The following SUSD4 variants were observed in gnomAD, a reference collection of about 807,000 sequenced individuals.
SUSD4 encodes the protein sushi domain-containing protein 4.
In SUSD4, 41 loss-of-function variants were observed where a neutral mutation model predicts 50.5. That is an observed-to-expected ratio of 0.81 (90% CI 0.63 to 1.05). SUSD4 has a LOEUF of 1.05. Among genes scored for constraint, SUSD4 ranks in the 50% least tolerant of loss-of-function variants. SUSD4 has a pLI of 0.00. For synonymous variants in SUSD4, 257 were observed against 257.3 expected (o/e 1.00, Z 0.01); for missense variants, 580 against 634.7 (o/e 0.91, Z 0.93).
chr1:223,355,408 G>A (rs1238695914), intron 2 of SUSD4, among the ~76,000 whole-genome samples: 2 of 151,968 alleles, frequency 1.3e-5, no homozygotes, highest in South Asian at 2.1e-4. Context: ...TGGTAGAGAC[G>A]GGGTTTTTGC....
rs546603237 is a variant in SUSD4, at chr1:223,284,416, C to T, written c.361+8023G>A. On this transcript the variant is annotated intron_variant, in intron 3 of 8. Coordinates refer to ENST00000366878, the MANE Select transcript of SUSD4 (RefSeq NM_017982.4). ...CTGGAAAGAAAACTCAAATTTGAAT[C>T]CCAACTCTGTCACTACCAAGGAGAC... Among the ~76,000 whole-genome samples the T allele has an allele frequency of 3.4e-4, 51 of 152,228 alleles. No homozygotes were observed. The South Asian group carries it at 5.2e-3, about 15-fold the overall frequency.
At chr1:223,333,019 G>GT (rs1667260720) in intron 2 of SUSD4, among the ~76,000 whole-genome samples, 1 of 152,088 alleles carries the variant, frequency 6.6e-6, no homozygotes, top group Non-Finnish European at 1.5e-5. Flanking sequence ...TCAGCACCAG[G>GT]TGCAGGACCC....
Position 223,221,901 on chromosome 1 carries a change from T to C in SUSD4, c.*291A>G, listed in dbSNP as rs1055592576. 5.7e-6 allele frequency: 2 copies of C among 351,160 alleles called. No homozygotes were observed. Among genetic ancestry groups the C allele is most frequent in the Non-Finnish European group, 5.1e-6 (1 of 195,858 alleles). 21.8% of individuals were successfully genotyped at this position (351,160 alleles called of 1,614,324 possible). A position where few individuals can be genotyped will look rare whatever the true frequency, so the allele number is the denominator to read the frequency against. ...GTGGGATGTGCGTGGAATTGTCCCA[T>C]GTTCCACAGCACGATACACATTTAA... On this transcript the variant is annotated 3_prime_UTR_variant, in exon 9 of 9. Transcript: ENST00000366878.
chr1:223,348,102 T>TG (rs1668143285), intron 2 of SUSD4, among the ~76,000 whole-genome samples: 1 of 147,854 alleles, frequency 6.8e-6, no homozygotes, highest in Non-Finnish European at 1.5e-5. Flanking sequence ...AATATTCAAA[T>TG]GGAAAAAAAA....
intron 2 of SUSD4, among the ~76,000 whole-genome samples, chr1:223,320,369 G>A (rs1666499637): frequency 6.6e-6 from 1 of 152,220 alleles, no homozygotes; most frequent in East Asian, 1.9e-4. Context: ...CTGTGCCTGT[G>A]AGCTGAAATG....
chr1:223,264,120 T>C, intron 5 of SUSD4: 1 of 985,432 alleles, frequency 1.0e-6, no homozygotes, highest in Non-Finnish European at 1.2e-6. Flanking sequence ...TAGTGGTCTT[T>C]CGTGAATCAC....
intron 2 of SUSD4, among the ~76,000 whole-genome samples, chr1:223,344,426 C>T (rs1393004427): frequency 6.6e-6 from 1 of 152,124 alleles, no homozygotes; most frequent in African/African-American, 2.4e-5. Flanking sequence ...CATGGTAAGG[C>T]TGTGCTGATG....
chr1:223,292,279 C>A (rs906920554), intron 3 of SUSD4, among the ~76,000 whole-genome samples, 160 bp downstream of exon 3: 2 of 152,168 alleles, frequency 1.3e-5, no homozygotes, highest in Non-Finnish European at 2.9e-5. Flanking sequence ...CCCTCTATCC[C>A]AACCCTCATT....
chr1:223,295,196 G>A (rs1254247843), intron 2 of SUSD4, among the ~76,000 whole-genome samples: 1 of 152,138 alleles, frequency 6.6e-6, no homozygotes, highest in East Asian at 1.9e-4. Context: ...GCCATAGCTA[G>A]GGCCAAGTAT....
chr1:223,250,551 A>G (rs868859854), intron 5 of SUSD4, among the ~76,000 whole-genome samples: 3 of 152,334 alleles, frequency 2.0e-5, no homozygotes, highest in Middle Eastern at 3.4e-3. Context: ...TGCTGACTCC[A>G]AAGCTGCCAT....
At chr1:223,281,777 C>T (rs1465576284) in intron 3 of SUSD4, among the ~76,000 whole-genome samples, 1 of 152,030 alleles carries the variant, frequency 6.6e-6, no homozygotes, top group African/African-American at 2.4e-5. Flanking sequence ...CTGGCAGAGA[C>T]ACAACAAAAA....
chr1:223,232,878 A>G (rs546482666), intron 5 of SUSD4, among the ~76,000 whole-genome samples: 1 of 152,350 alleles, frequency 6.6e-6, no homozygotes, highest in East Asian at 1.9e-4. Flanking sequence ...TGAGTGAAAC[A>G]ATTCCCAACT....
In SUSD4 at chr1:223,241,618, T is replaced by C. The variant is rs1174770433; in HGVS notation, c.725-12230A>G. On this transcript the variant is annotated intron_variant, in intron 5 of 8. Transcript: ENST00000366878. ...GTTTTTTACTCATTGTTAGGACAGA[T>C]TGGTGACTTCCGAACTCCTTACACG... 3.3e-5 allele frequency among the ~76,000 whole-genome samples: 5 copies of C among 152,212 alleles called. No homozygotes were observed. The South Asian group carries it at 8.3e-4, about 25-fold the overall frequency.
chr1:223,357,311 A>G (rs1668719618), intron 2 of SUSD4, among the ~76,000 whole-genome samples: 1 of 152,194 alleles, frequency 6.6e-6, no homozygotes, highest in African/African-American at 2.4e-5. Context: ...CCCTTCTCTC[A>G]GGGCAGGGGG....
rs377209634 is a variant in SUSD4 at position 223,223,296 on chromosome 1, G to T, written c.1397C>A (p.Thr466Lys). 4 of 1,584,362 alleles carry T rather than the reference G, an allele frequency of 2.5e-6. No homozygotes were observed. Among genetic ancestry groups the T allele is most frequent in the Non-Finnish European group, 3.4e-6 (4 of 1,167,214 alleles). ...ASDNPDIIAS[T>K]AEEVASTSPG... ...GCTGGTGGATGCCACCTCCTCTGCC[G>T]TGCTGGCAATTATGTCAGGGTTGTC... The change falls in exon 8 of 9, where the codon ACG (threonine) becomes AAG (lysine). Residue 466 changes from threonine to lysine, a missense_variant. Coordinates refer to ENST00000366878, the MANE Select transcript of SUSD4 (RefSeq NM_017982.4).
At chr1:223,316,949 G>T (rs922389211) in intron 2 of SUSD4, among the ~76,000 whole-genome samples, 4 of 152,162 alleles carry the variant, frequency 2.6e-5, no homozygotes, top group African/African-American at 9.7e-5. Context: ...GATGAGTCTG[G>T]CAGCGCAGAC....
chr1:223,360,253 T>TG (rs1668898278), intron 2 of SUSD4: 1 of 470,494 alleles, frequency 2.1e-6, no homozygotes, highest in African/African-American at 2.0e-5. Flanking sequence ...CCTTGAAGCC[T>TG]GGGGGTGGGG....
chr1:223,263,963 C>T (rs890342222), intron 5 of SUSD4: 57 of 985,302 alleles, frequency 5.8e-5, no homozygotes, highest in Non-Finnish European at 6.7e-5. Flanking sequence ...TCTCTTCGGG[C>T]ATACTTTCAA....
In SUSD4 at chr1:223,231,491, TC is replaced by T. The variant is rs1441928493; in HGVS notation, c.725-2104del. Among the ~76,000 whole-genome samples, 1 of 152,162 alleles carries T rather than the reference TC, an allele frequency of 6.6e-6. No homozygotes were observed. Among genetic ancestry groups the T allele is most frequent in the Non-Finnish European group, 1.5e-5 (1 of 68,020 alleles). ...TTCTGCTGCTCTGCCTCAGGGTCTC[TC>T]CTGGGCTGGCAAATGCAGTCACACA... On this transcript the variant is annotated intron_variant, in intron 5 of 8. Coordinates refer to ENST00000366878, the MANE Select transcript of SUSD4 (RefSeq NM_017982.4). This position sits in a 1 kb window ranked among gnomAD's most constrained non-coding sequence, Gnocchi z 4.2.
Sources: gnomAD v4.1 joint callset for allele counts (sites outside exome capture counted in the v4.1 genomes callset) on GRCh38, gnomAD v4.1.1 for gene constraint, Gnocchi (gnomAD v3.1) non-coding constraint, MANE v1.5 for transcripts, NCBI Gene and HGNC (gene_info 2026-07-23, HGNC 2026-07-21) for gene names.